Variants in PSMB3 observed in about 807,000 individuals in gnomAD.
The protein encoded by PSMB3 is proteasome subunit beta type-3.
Under a neutral mutation model 23.3 loss-of-function variants are expected in PSMB3, and 5 were observed. That is an observed-to-expected ratio of 0.21 (90% CI 0.11 to 0.45). The LOEUF (loss-of-function observed/expected upper bound fraction) is 0.45, where lower values mean the gene tolerates loss of function less well. Ranked by LOEUF, PSMB3 falls within the 20% of genes least tolerant of loss-of-function variation. The pLI is 0.99. For synonymous variants in PSMB3, 85 were observed against 99.8 expected, an observed-to-expected ratio of 0.85 and a Z score of 0.88; for missense variants, 192 against 277.9, an observed-to-expected ratio of 0.69 and a Z score of 2.20.
chr17:38,756,470 G>A (rs1908199831), intron 3 of PSMB3, among the ~76,000 whole-genome samples: 1 of 152,166 alleles, frequency 6.6e-6, no homozygotes, highest in Non-Finnish European at 1.5e-5. Flanking sequence ...GGGCAAACCT[G>A]GGTGGCCAGA....
At position 38,752,779 on chromosome 17, in the gene PSMB3, T is replaced by C. The variant is rs752086399; in HGVS notation, c.-48T>C. On this transcript the variant is annotated 5_prime_UTR_variant, in exon 1 of 6. Transcript: ENST00000619426. The surrounding 1 kb of genome is among the most constrained non-coding windows in gnomAD (Gnocchi z 5.5). ...GTTGCGCAGTGAAGGCTAGACCCGG[T>C]TTACTGGAATTGCTCTGGCGATCGA... 1 of 1,613,440 alleles carries C rather than the reference T, an allele frequency of 6.2e-7. No individual in the cohort carries two copies. The highest frequency in any genetic ancestry group is 1.1e-5 in the South Asian group (1 of 91,064).
At chr17:38,763,272 T>C (rs1908521289) in intron 5 of PSMB3, among the ~76,000 whole-genome samples, 1 of 151,908 alleles carries the variant, frequency 6.6e-6, no homozygotes, top group African/African-American at 2.4e-5. Flanking sequence ...GAGAATTGCT[T>C]GAACCTGGGA....
rs1408376952 is a variant in PSMB3, at chr17:38,752,834, G to C, written c.3+5G>C. On this transcript the variant is annotated splice_donor_5th_base_variant and intron_variant, in intron 1 of 5. Coordinates refer to ENST00000619426, the MANE Select transcript of PSMB3 (RefSeq NM_002795.4). This position sits in a 1 kb window ranked among gnomAD's most constrained non-coding sequence, Gnocchi z 5.5. ...TCCTAGTACACCGCAATCATGGTGA[G>C]ATGGGGAGTTAAAGCAAAGGGGCAT... is the stretch of plus-strand genomic sequence containing the variant. The C allele has an allele frequency of 5.0e-6, 8 of 1,614,004 alleles. No homozygotes were observed. The highest frequency in any genetic ancestry group is 6.8e-6 in the Non-Finnish European group (8 of 1,180,030).
chr17:38,761,212 C>T (rs965796721), intron 4 of PSMB3, among the ~76,000 whole-genome samples: 1 of 151,954 alleles, frequency 6.6e-6, no homozygotes, highest in Non-Finnish European at 1.5e-5. Flanking sequence ...ATTAGCCGGG[C>T]ATGGTGGTGC....
In PSMB3 at chr17:38,764,083, G is replaced by C. The variant is rs912872727; in HGVS notation, c.570-36G>C. On this transcript the variant is annotated intron_variant, in intron 5 of 5. Coordinates refer to ENST00000619426, the MANE Select transcript of PSMB3 (RefSeq NM_002795.4). ...CTAGTCACAGTCACGGTCCAGATGG[G>C]TAGAGATGTTTTCTTGTGATTTTCT... 3 of 1,613,548 alleles carry C rather than the reference G, an allele frequency of 1.9e-6. No homozygotes were observed. In the African/African-American group the frequency reaches 4.0e-5, roughly 22 times the overall value.
In PSMB3 at chr17:38,760,529, T is replaced by C; in HGVS notation, c.395T>C (p.Val132Ala). The C allele has an allele frequency of 6.2e-7, 1 of 1,614,232 alleles. No homozygotes were observed. Among genetic ancestry groups the C allele is most frequent in the Non-Finnish European group, 8.5e-7 (1 of 1,180,036 alleles). ...CTAGACCTCATCGGCTGCCCCATGGTGACTGATGACTTTGTGGTCAGTGGC... is the reference window on the plus strand; with the variant it reads ...CTAGACCTCATCGGCTGCCCCATGGCGACTGATGACTTTGTGGTCAGTGGC... Reference protein sequence around the residue: ...CSLDLIGCPMVTDDFVVSGTC... With the variant: ...CSLDLIGCPMATDDFVVSGTC... Residue 132 changes from valine (V) to alanine (A), a missense_variant, in exon 4 of 6, where the codon GTG becomes GCG. Physicochemically the swap from Val to Ala is moderately conservative, Grantham distance 64. Transcript: ENST00000619426.
intron 3 of PSMB3, 29 bp downstream of exon 3, chr17:38,756,019 G>A (rs770161533): frequency 6.5e-7 from 1 of 1,532,452 alleles, no homozygotes; most frequent in East Asian, 2.2e-5. Context: ...AGCACTGAGG[G>A]AATGCAGACA....
intron 4 of PSMB3, 34 bp from the exon 5 acceptor site, chr17:38,762,377 G>A (rs766547661): frequency 1.3e-6 from 2 of 1,577,432 alleles, no homozygotes; most frequent in Admixed American, 1.7e-5. Context: ...AGAGCCAGAG[G>A]CTGTGGTTTG....
At chr17:38,761,076 G>A (rs370926539) in intron 4 of PSMB3, among the ~76,000 whole-genome samples, 1 of 152,098 alleles carries the variant, frequency 6.6e-6, no homozygotes, top group African/African-American at 2.4e-5. Context: ...GAAGCCGGGC[G>A]CGGTGGCTCA....
In PSMB3 at chr17:38,755,936, A is replaced by G; in HGVS notation, c.242A>G (p.Gln81Arg). The G allele has an allele frequency of 6.2e-7, 1 of 1,614,136 alleles. No homozygotes were observed. Among genetic ancestry groups the G allele is most frequent in the Non-Finnish European group, 8.5e-7 (1 of 1,180,028 alleles). The change falls in exon 3 of 6, where the codon CAG becomes CGG. Residue 81 changes from glutamine to arginine, a missense_variant. Transcript: ENST00000619426. ...CTGTATGAGTTGAAGGAAGGTCGGC[A>G]GATCAAACCTTATACCCTCATGAGC... ...LNLYELKEGR[Q>R]IKPYTLMSMV...
chr17:38,760,177 GAGC>G (rs1008840406), intron 3 of PSMB3, among the ~76,000 whole-genome samples: 2 of 152,202 alleles, frequency 1.3e-5, no homozygotes, highest in Non-Finnish European at 2.9e-5. Flanking sequence ...AAGAAAGAAG[GAGC>G]ACAAGAGGGT....
chr17:38,758,468 T>A (rs1908303519), intron 3 of PSMB3, among the ~76,000 whole-genome samples: 1 of 152,092 alleles, frequency 6.6e-6, no homozygotes, highest in Non-Finnish European at 1.5e-5. Context: ...GCCTCCCAAG[T>A]AGCTGGGACC....
At position 38,752,807 on chromosome 17, in the gene PSMB3, G is replaced by A; in HGVS notation, c.-20G>A. The stretch of plus-strand genomic sequence containing the variant: ...ACTGGAATTGCTCTGGCGATCGAGG[G>A]ATCCTAGTACACCGCAATCATGGTG... On this transcript the variant is annotated 5_prime_UTR_variant, in exon 1 of 6. Transcript: ENST00000619426. The surrounding 1 kb of genome is among the most constrained non-coding windows in gnomAD (Gnocchi z 5.5). 6.2e-7 allele frequency: 1 copy of A among 1,614,120 alleles called. No homozygotes were observed. The highest frequency in any genetic ancestry group is 8.5e-7 in the Non-Finnish European group (1 of 1,179,974).
chr17:38,759,540 T>C (rs1908345176), intron 3 of PSMB3, among the ~76,000 whole-genome samples: 1 of 152,014 alleles, frequency 6.6e-6, no homozygotes, highest in Admixed American at 6.6e-5. Flanking sequence ...CTTTTTTTTT[T>C]TTCTTTTCTT....
chr17:38,762,623 C>A (rs1226046151), intron 5 of PSMB3, 118 bp downstream of exon 5: 2 of 937,226 alleles, frequency 2.1e-6, no homozygotes, highest in Non-Finnish European at 1.6e-6. Flanking sequence ...AAGAAAGGTG[C>A]TTTTGGCAGT....
intron 5 of PSMB3, among the ~76,000 whole-genome samples, chr17:38,763,798 G>C (rs1197767503): frequency 6.6e-6 from 1 of 152,086 alleles, no homozygotes; most frequent in Non-Finnish European, 1.5e-5. Flanking sequence ...CACCGCGCCC[G>C]GCCAAGCTCC....
chr17:38,756,535 A>G (rs11656382), intron 3 of PSMB3, among the ~76,000 whole-genome samples: 19,334 of 151,828 alleles, frequency 0.13, 4,066 homozygotes, highest in African/African-American at 0.44. Flanking sequence ...TTGCTCTGTC[A>G]CCCAGGCTGG....
At chr17:38,755,645 C>CA (rs1175855967) in intron 2 of PSMB3, among the ~76,000 whole-genome samples, 2 of 8,820 alleles carry the variant, frequency 2.3e-4, no homozygotes, top group Non-Finnish European at 5.0e-4. Context: ...GAGACTCCGT[C>CA]TAAAAAAAAA....
intron 3 of PSMB3, among the ~76,000 whole-genome samples, chr17:38,756,222 A>C (rs1209796567): frequency 6.6e-6 from 1 of 152,248 alleles, no homozygotes; most frequent in African/African-American, 2.4e-5. Context: ...GCATCTAGGC[A>C]AAAGAGTTAG....
Sources: allele counts gnomAD v4.1 joint callset (sites outside exome capture counted in the v4.1 genomes callset), GRCh38; gene constraint gnomAD v4.1.1; non-coding constraint Gnocchi (gnomAD v3.1); transcripts MANE v1.5; gene names NCBI Gene and HGNC (gene_info 2026-07-23, HGNC 2026-07-21).